The following SAMHD1 variants were observed in gnomAD, a reference collection of about 807,000 sequenced individuals.
SAMHD1 encodes deoxynucleoside triphosphate triphosphohydrolase SAMHD1.
SAMHD1 carries 54 observed loss-of-function variants against 79.6 expected under a neutral mutation model. The ratio of observed to expected loss-of-function variants is 0.68; its 90% confidence interval spans 0.55 to 0.85. The LOEUF (loss-of-function observed/expected upper bound fraction) is 0.85, where lower values mean the gene tolerates loss of function less well. SAMHD1 is among the 40% of genes least tolerant of loss of function. The pLI, the probability that SAMHD1 is intolerant of heterozygous loss-of-function variation, is 0.00. For synonymous variants in SAMHD1, 260 were observed against 264.1 expected (o/e 0.98, Z 0.15); for missense variants, 663 against 782.7 (o/e 0.85, Z 1.82).
At chr20:36,911,193 A>G (rs2063437262) in intron 11 of SAMHD1, 25 bp downstream of exon 11, 1 of 1,383,118 alleles carries the variant, frequency 7.2e-7, no homozygotes, top group African/African-American at 1.4e-5. Context: ...GAGATGGACC[A>G]TCTATGTTAC....
chr20:36,891,641 C>T lies in SAMHD1; in HGVS notation c.*1291G>A, dbSNP rs1179827271. 1 of 152,264 alleles carries T rather than the reference C, an allele frequency of 6.6e-6. No individual in the cohort carries two copies. The highest frequency in any genetic ancestry group is 6.5e-5 in the Admixed American group (1 of 15,284). 9.4% of individuals were successfully genotyped at this position (152,264 alleles called of 1,614,324 possible). A position where few individuals can be genotyped will look rare whatever the true frequency, so the allele number is the denominator to read the frequency against. On this transcript the variant is annotated 3_prime_UTR_variant, in exon 16 of 16. Coordinates refer to ENST00000646673, the MANE Select transcript of SAMHD1 (RefSeq NM_015474.4). ...GGAAAACGAAGTTACCTAGCGGAGC[C>T]TGGAGCCCACTGGGTGGTCACTAAT...
chr20:36,897,155 T>G (rs557035516), intron 15 of SAMHD1, among the ~76,000 whole-genome samples: 2 of 152,216 alleles, frequency 1.3e-5, no homozygotes, highest in Non-Finnish European at 1.5e-5. Context: ...TCTCACCCTA[T>G]CCTTTGTTCC....
Position 36,919,401 on chromosome 20 carries a change from ATTTGTTCCT to A in SAMHD1, c.806_814del (p.Lys269_Gln271del). 1 of 1,613,656 alleles carries A rather than the reference ATTTGTTCCT, an allele frequency of 6.2e-7. No homozygotes were observed. Among genetic ancestry groups the A allele is most frequent in the Non-Finnish European group, 8.5e-7 (1 of 1,179,770 alleles). ...GACAGGTGATTCAAGTGGTCCTACA[ATTTGTTCCT>A]TTATAAAGCAAATATCTTCTTCAGG... On this transcript the variant is annotated inframe_deletion, in exon 7 of 16. Coordinates refer to ENST00000646673, the MANE Select transcript of SAMHD1 (RefSeq NM_015474.4).
At chr20:36,948,505 G>T (rs111768384) in intron 1 of SAMHD1, among the ~76,000 whole-genome samples, 1 of 151,878 alleles carries the variant, frequency 6.6e-6, no homozygotes, top group African/African-American at 2.4e-5. Flanking sequence ...TACCTGCTTC[G>T]GCCTTCCAAA....
chr20:36,899,129 T>C (rs943223751), intron 13 of SAMHD1, among the ~76,000 whole-genome samples: 1 of 151,374 alleles, frequency 6.6e-6, no homozygotes, highest in Non-Finnish European at 1.5e-5. Flanking sequence ...CAGACACAGA[T>C]AGACACTAGA....
At chr20:36,931,270 T>C (rs563905635) in intron 4 of SAMHD1, among the ~76,000 whole-genome samples, 12 of 152,150 alleles carry the variant, frequency 7.9e-5, no homozygotes, top group South Asian at 2.1e-4. Flanking sequence ...TCCACAAAAA[T>C]TAAAAACGGA....
rs1468637736 is a variant in SAMHD1 at position 36,927,177 on chromosome 20, C to T, written c.696+5G>A. 5 of 1,609,706 alleles carry T rather than the reference C, an allele frequency of 3.1e-6. No individual in the cohort carries two copies. The highest frequency in any genetic ancestry group is 4.3e-6 in the Non-Finnish European group (5 of 1,175,998). On this transcript the variant is annotated splice_donor_5th_base_variant and intron_variant, in intron 6 of 15. Transcript: ENST00000646673. ...TTATTGACTATTGACTGTATGAATACATACCGTCCATTTCACCTCCGGGCG... is the reference window on the plus strand; with the variant it reads ...TTATTGACTATTGACTGTATGAATATATACCGTCCATTTCACCTCCGGGCG...
At chr20:36,890,152 AG>A (rs1990025570), downstream of SAMHD1, 2 of 152,352 alleles carry the variant, frequency 1.3e-5, no homozygotes, top group Non-Finnish European at 1.5e-5. Context: ...AAGGTATGAA[AG>A]GAGTAAATGA....
chr20:36,949,879 G>C (rs761531306), intron 1 of SAMHD1, among the ~76,000 whole-genome samples: 4 of 151,638 alleles, frequency 2.6e-5, no homozygotes, highest in Non-Finnish European at 5.9e-5. Flanking sequence ...AAGGGAAAAT[G>C]AGCAGTGTAG....
intron 15 of SAMHD1, 177 bp from the exon 16 acceptor site, chr20:36,893,243 C>T: frequency 1.4e-6 from 1 of 718,828 alleles, no homozygotes; most frequent in Non-Finnish European, 2.3e-6. Flanking sequence ...AAATTAGAAA[C>T]ACTACAGTCT....
At chr20:36,941,008 C>A (rs762533769) in intron 3 of SAMHD1, 31 bp downstream of exon 3, 2 of 1,543,110 alleles carry the variant, frequency 1.3e-6, no homozygotes, top group Non-Finnish European at 1.8e-6. Flanking sequence ...ACTTTATATT[C>A]AAAAAACATA....
At chr20:36,946,553 G>A (rs1008689314) in intron 2 of SAMHD1, 185 bp downstream of exon 2, 6 of 554,988 alleles carry the variant, frequency 1.1e-5, no homozygotes, top group African/African-American at 3.8e-5. Flanking sequence ...TCCAGCCTGG[G>A]TGAACAAGAG....
intron 7 of SAMHD1, 67 bp downstream of exon 7, chr20:36,919,297 G>C: frequency 6.8e-7 from 1 of 1,474,344 alleles, no homozygotes; most frequent in Non-Finnish European, 9.5e-7. Context: ...GTATAACTCA[G>C]AAGGAATCAT....
At chr20:36,910,746 G>T (rs2063434197) in intron 11 of SAMHD1, among the ~76,000 whole-genome samples, 1 of 146,700 alleles carries the variant, frequency 6.8e-6, no homozygotes, top group South Asian at 2.1e-4. Flanking sequence ...AAAAAAAAAA[G>T]TTAAATAATG....
chr20:36,909,225 G>A (rs1601122701), intron 11 of SAMHD1, among the ~76,000 whole-genome samples: 1 of 152,102 alleles, frequency 6.6e-6, no homozygotes, highest in Non-Finnish European at 1.5e-5. Flanking sequence ...GCCTCCCAAA[G>A]TGCTGGGATT....
intron 12 of SAMHD1, 136 bp downstream of exon 12, chr20:36,905,228 C>G (rs2063397969): frequency 1.0e-6 from 1 of 961,632 alleles, no homozygotes; most frequent in Non-Finnish European, 1.7e-6. Flanking sequence ...CCTAAGACCC[C>G]TGCACTACTG....
At chr20:36,914,356 T>TC (rs2063463094) in intron 9 of SAMHD1, among the ~76,000 whole-genome samples, 1 of 142,878 alleles carries the variant, frequency 7.0e-6, no homozygotes, top group Non-Finnish European at 1.5e-5. Context: ...TTTCTTTCTT[T>TC]CTTTTTTTTT....
At chr20:36,897,550 GAAC>G (rs1278461205) in intron 15 of SAMHD1, 15 of 490,482 alleles carry the variant, frequency 3.1e-5, no homozygotes, top group East Asian at 2.7e-4. Flanking sequence ...GGCCACTGGT[GAAC>G]AACATTAGAA....
In SAMHD1 at chr20:36,930,873, A is replaced by G; in HGVS notation, c.512T>C (p.Val171Ala). 1 of 1,608,706 alleles carries G rather than the reference A, an allele frequency of 6.2e-7. No individual in the cohort carries two copies. Among genetic ancestry groups the G allele is most frequent in the South Asian group, 1.1e-5 (1 of 90,986 alleles). Reference sequence around the variant, plus strand: ...AACTAGACATCCTGCTAGATACCCCACCCTGCAGAGCAAAAACACAAAAAG... The same window carrying G: ...AACTAGACATCCTGCTAGATACCCCGCCCTGCAGAGCAAAAACACAAAAAG... ...SHNRFEHSLG[V>A]GYLAGCLVHA... Residue 171 changes from valine (V) to alanine (A), a missense_variant and splice_region_variant, in exon 5 of 16, where the codon GTG becomes GCG. Transcript: ENST00000646673.
Sources: allele counts gnomAD v4.1 joint callset (sites outside exome capture counted in the v4.1 genomes callset), GRCh38; gene constraint gnomAD v4.1.1; transcripts MANE v1.5; gene names NCBI Gene and HGNC (gene_info 2026-07-23, HGNC 2026-07-21).